CLIC4: variants seen among roughly 807,000 people sequenced by gnomAD.
CLIC4 encodes the protein CLIC family member 4, also known as chloride intracellular channel protein 4.
CLIC4 carries 13 observed loss-of-function variants against 24.6 expected under a neutral mutation model. The ratio of observed to expected loss-of-function variants is 0.53; its 90% confidence interval spans 0.34 to 0.84. The LOEUF (loss-of-function observed/expected upper bound fraction) is 0.84. CLIC4 is among the 40% of genes least tolerant of loss of function. The pLI, the probability that CLIC4 is intolerant of heterozygous loss-of-function variation, is 0.01. For synonymous variants in CLIC4, 104 were observed against 111.3 expected (o/e 0.93, Z 0.41); for missense variants, 227 against 301.7 (o/e 0.75, Z 1.83).
At position 24,843,864 on chromosome 1, in the gene CLIC4, T is replaced by C. The variant is rs1210427463; in HGVS notation, c.*2927T>C. 6.6e-6 allele frequency: 1 copy of C among 152,630 alleles called. No homozygotes were observed. Among genetic ancestry groups the C allele is most frequent in the African/African-American group, 2.4e-5 (1 of 41,468 alleles). 9.5% of individuals were successfully genotyped at this position (152,630 alleles called of 1,614,324 possible). A position where few individuals can be genotyped will look rare whatever the true frequency, so the allele number is the denominator to read the frequency against. The stretch of plus-strand genomic sequence containing the variant: ...CCCTTAAACCCATTTAGAAAATAAC[T>C]ACAAAGTAAAAATGTAGAGGAAATA... On this transcript the variant is annotated 3_prime_UTR_variant, in exon 6 of 6. Coordinates refer to ENST00000374379, the MANE Select transcript of CLIC4 (RefSeq NM_013943.3).
rs1639933897 is a variant in CLIC4, at chr1:24,840,785, A to G, written c.610A>G (p.Lys204Glu). ...CTTTGTATTTCAGGTGGTGGCCAAA[A>G]AATATCGCAACTTTGATATTCCAAA... ...KLHIVKVVAKKYRNFDIPKEM... is the reference protein window; with the variant it reads ...KLHIVKVVAKEYRNFDIPKEM... The change falls in exon 6 of 6, where the codon AAA becomes GAA. Residue 204 changes from lysine (K) to glutamate (E), a missense_variant. By Grantham distance (56) the Lys-to-Glu change is moderately conservative. Transcript: ENST00000374379. 6.8e-6 allele frequency: 11 copies of G among 1,605,956 alleles called. No homozygotes were observed. Among genetic ancestry groups the G allele is most frequent in the Non-Finnish European group, 8.5e-6 (10 of 1,176,776 alleles).
intron 4 of CLIC4, among the ~76,000 whole-genome samples, chr1:24,839,144 T>TG (rs1290025503): frequency 6.6e-6 from 1 of 152,150 alleles, no homozygotes; most frequent in East Asian, 1.9e-4. Context: ...AAAATATTCC[T>TG]GGGGGAGCAG....
chr1:24,761,338 G>A (rs975197624), intron 1 of CLIC4, among the ~76,000 whole-genome samples: 1 of 152,118 alleles, frequency 6.6e-6, no homozygotes, highest in East Asian at 1.9e-4. Context: ...AAAGAACAGG[G>A]CAACTTGAGA....
intron 1 of CLIC4, among the ~76,000 whole-genome samples, chr1:24,797,458 C>T (rs1381415957): frequency 2.0e-5 from 3 of 150,610 alleles, no homozygotes; most frequent in African/African-American, 4.9e-5. Flanking sequence ...CCTGTAGCTC[C>T]AGCTGCTTGG....
rs778073847 is a variant in CLIC4 at position 24,797,724 on chromosome 1, T to A, written c.73-18T>A. 24 of 1,569,758 alleles carry A rather than the reference T, an allele frequency of 1.5e-5. No homozygotes were observed. The South Asian group carries it at 2.5e-4, about 17-fold the overall frequency. ...CATCACTTTGACCTTGTTTTTAATGTTTAATTCTGTTTTCCAGGCTGGCAG... is the reference window on the plus strand; with the variant it reads ...CATCACTTTGACCTTGTTTTTAATGATTAATTCTGTTTTCCAGGCTGGCAG... On this transcript the variant is annotated intron_variant, in intron 1 of 5. Transcript: ENST00000374379.
chr1:24,762,744 T>A (rs114167400), intron 1 of CLIC4, among the ~76,000 whole-genome samples: 1 of 152,186 alleles, frequency 6.6e-6, no homozygotes, highest in Non-Finnish European at 1.5e-5. Flanking sequence ...TGGTGGGAAG[T>A]CATAATACAG....
At chr1:24,765,815 C>CT (rs34506030) in intron 1 of CLIC4, among the ~76,000 whole-genome samples, 84,570 of 135,318 alleles carry the variant, frequency 0.62, 27,693 homozygotes, top group Non-Finnish European at 0.72. Flanking sequence ...TTCTTTCTTT[C>CT]TTTTTTTTTT....
chr1:24,813,410 TTCTTTTTC>T (rs915426971), intron 2 of CLIC4, among the ~76,000 whole-genome samples: 1 of 151,836 alleles, frequency 6.6e-6, no homozygotes, highest in Non-Finnish European at 1.5e-5. Flanking sequence ...TCTTTTCTTT[TTCTTTTTC>T]TCTTTTTCTT....
intron 3 of CLIC4, among the ~76,000 whole-genome samples, chr1:24,820,267 CTTTTTTTT>C (rs372726009): frequency 6.0e-5 from 3 of 49,772 alleles, no homozygotes; most frequent in African/African-American, 1.8e-4. Flanking sequence ...CCTTTTTGGT[CTTTTTTTT>C]TTTTTTTTTT....
At chr1:24,797,890 A>G in intron 2 of CLIC4, 39 bp downstream of exon 2, 1 of 1,370,798 alleles carries the variant, frequency 7.3e-7, no homozygotes, top group Non-Finnish European at 1.0e-6. Context: ...CTTAAGCTGA[A>G]CTATCTTTTC....
intron 3 of CLIC4, among the ~76,000 whole-genome samples, 191 bp downstream of exon 3, chr1:24,814,410 G>A (rs1639648012): frequency 1.3e-5 from 2 of 152,174 alleles, no homozygotes; most frequent in Non-Finnish European, 1.5e-5. Context: ...TAAGAAAGGT[G>A]GGGATTTGTC....
intron 1 of CLIC4, among the ~76,000 whole-genome samples, chr1:24,791,180 A>T (rs192356199): frequency 6.6e-6 from 1 of 152,268 alleles, no homozygotes; most frequent in Non-Finnish European, 1.5e-5. Flanking sequence ...TTAAAGGCAT[A>T]CTTTTCTCAG....
intron 3 of CLIC4, among the ~76,000 whole-genome samples, chr1:24,816,237 T>TTG (rs1349461358): frequency 6.3e-5 from 9 of 142,996 alleles, no homozygotes; most frequent in African/African-American, 1.6e-4. Flanking sequence ...TGTTCGTGTT[T>TTG]TTTTTTTTTT....
intron 4 of CLIC4, among the ~76,000 whole-genome samples, chr1:24,838,262 G>C (rs1468639547): frequency 6.6e-6 from 1 of 152,176 alleles, no homozygotes; most frequent in Non-Finnish European, 1.5e-5. Flanking sequence ...ACAATCCTTA[G>C]AATAAGACTT....
At chr1:24,817,239 G>A (rs182210723) in intron 3 of CLIC4, among the ~76,000 whole-genome samples, 1 of 152,292 alleles carries the variant, frequency 6.6e-6, no homozygotes, top group East Asian at 1.9e-4. Flanking sequence ...TCAGATGAAG[G>A]TGATGAAGGA....
intron 3 of CLIC4, among the ~76,000 whole-genome samples, chr1:24,818,463 T>A (rs990104956): frequency 2.6e-5 from 4 of 152,026 alleles, no homozygotes; most frequent in African/African-American, 9.7e-5. Flanking sequence ...ATTTTTGTAT[T>A]TTTAGTGGAG....
chr1:24,822,387 C>T (rs1456804951), intron 3 of CLIC4, among the ~76,000 whole-genome samples: 2 of 121,452 alleles, frequency 1.6e-5, no homozygotes, highest in Non-Finnish European at 3.2e-5. Flanking sequence ...CTTGCTGTGT[C>T]GCCCAGGCTG....
At chr1:24,813,837 G>A (rs1449139489) in intron 2 of CLIC4, among the ~76,000 whole-genome samples, 1 of 152,052 alleles carries the variant, frequency 6.6e-6, no homozygotes, top group East Asian at 1.9e-4. Flanking sequence ...TTCCACCTCA[G>A]CCTCCCTGGT....
chr1:24,770,488 T>A (rs1168953807), intron 1 of CLIC4, among the ~76,000 whole-genome samples: 1 of 152,192 alleles, frequency 6.6e-6, no homozygotes, highest in Non-Finnish European at 1.5e-5. Flanking sequence ...GATCTGTTTT[T>A]TCCCCCCTTG....
Sources: gnomAD v4.1 joint callset for allele counts (sites outside exome capture counted in the v4.1 genomes callset) on GRCh38, gnomAD v4.1.1 for gene constraint, MANE v1.5 for transcripts, NCBI Gene and HGNC (gene_info 2026-07-23, HGNC 2026-07-21) for gene names.